Variants in ERCC6L2 observed in about 807,000 individuals in gnomAD.
ERCC6L2 encodes the protein ERCC excision repair 6 like 2.
Under a neutral mutation model 132.0 loss-of-function variants are expected in ERCC6L2, and 77 were observed. The observed-to-expected ratio is 0.58, with a 90% CI of 0.49 to 0.71. The LOEUF (loss-of-function observed/expected upper bound fraction) is 0.71, where lower values mean the gene tolerates loss of function less well. Ranked by LOEUF, ERCC6L2 falls within the 30% of genes least tolerant of loss-of-function variation. ERCC6L2 has a pLI of 0.00. For synonymous variants in ERCC6L2, 583 were observed against 632.4 expected, an observed-to-expected ratio of 0.92 and a Z score of 1.17; for missense variants, 1,542 against 1,837.6, an observed-to-expected ratio of 0.84 and a Z score of 2.94.
intron 11 of ERCC6L2, among the ~76,000 whole-genome samples, chr9:95,935,998 G>A (rs915142103): frequency 2.0e-5 from 3 of 152,160 alleles, no homozygotes; most frequent in African/African-American, 7.2e-5. Context: ...GGGCATGGGT[G>A]TAAGGTCTGA....
chr9:95,918,184 A>G (rs1012265596), intron 6 of ERCC6L2: 2 of 475,702 alleles, frequency 4.2e-6, no homozygotes, highest in African/African-American at 2.0e-5. Flanking sequence ...AGCAGAGGAA[A>G]TGGAGGCAGT....
rs150060124 is a variant in ERCC6L2 at position 96,012,722 on chromosome 9, C to T, written c.4172C>T (p.Thr1391Ile). The stretch of plus-strand genomic sequence containing the variant: ...CGTTCTCTGAACAGTGAGTCTGAAA[C>T]ACGTGAGAGAAGGTTAGAAAATACC... ...TSRSLNSESE[T>I]RERRLENTMK... Residue 1391 changes from threonine to isoleucine, a missense_variant, in exon 19 of 19, where the codon ACA becomes ATA. By Grantham distance (89) the Thr-to-Ile change is moderately conservative (BLOSUM62 -1). Transcript: ENST00000653738. 158 of 1,367,510 alleles carry T rather than the reference C, an allele frequency of 1.2e-4. No homozygotes were observed. The African/African-American group carries it at 2.0e-3, about 17-fold the overall frequency. The allele number at this position is 1,367,510 out of a possible 1,614,324, so 84.7% of individuals were successfully genotyped here. A position where few individuals can be genotyped will look rare whatever the true frequency, so the allele number is the denominator to read the frequency against.
At chr9:96,026,306 G>A (rs1834362259) in intron 19 of ERCC6L2, among the ~76,000 whole-genome samples, 1 of 152,204 alleles carries the variant, frequency 6.6e-6, no homozygotes, top group South Asian at 2.1e-4. Context: ...CCGCCCTCTG[G>A]GGCCCCCTGT....
At chr9:95,902,106 G>A (rs1828809596) in intron 3 of ERCC6L2, among the ~76,000 whole-genome samples, 1 of 152,032 alleles carries the variant, frequency 6.6e-6, no homozygotes, top group Admixed American at 6.6e-5. Context: ...TGTGTGATAC[G>A]ATACATCTCA....
intron 9 of ERCC6L2, among the ~76,000 whole-genome samples, chr9:95,924,500 G>A (rs1012931201): frequency 6.6e-6 from 1 of 151,686 alleles, no homozygotes; most frequent in Non-Finnish European, 1.5e-5. Context: ...TAAAAAGTCC[G>A]GTTTAGAACT....
chr9:95,999,550 G>T (rs1452938769), intron 17 of ERCC6L2, among the ~76,000 whole-genome samples: 1 of 152,096 alleles, frequency 6.6e-6, no homozygotes, highest in Non-Finnish European at 1.5e-5. Flanking sequence ...GTGCTGCCAG[G>T]GTCATTGCAA....
exon 20 of ERCC6L2, chr9:96,039,050 C>G: frequency 2.4e-6 from 1 of 409,638 alleles, no homozygotes; most frequent in Non-Finnish European, 4.9e-6. Flanking sequence ...CGCAGATGAT[C>G]ATGGTCCTGG....
intron 2 of ERCC6L2, among the ~76,000 whole-genome samples, chr9:95,886,482 A>C (rs1827874052): frequency 6.6e-6 from 1 of 152,106 alleles, no homozygotes; most frequent in South Asian, 2.1e-4. Context: ...AGAAGTAATA[A>C]TTTTCATTTC....
intron 17 of ERCC6L2, among the ~76,000 whole-genome samples, chr9:95,998,062 A>C (rs1227922041): frequency 6.6e-6 from 1 of 152,226 alleles, no homozygotes; most frequent in Non-Finnish European, 1.5e-5. Flanking sequence ...GCTGCTTAAA[A>C]CAGCGGTTTT....
intron 6 of ERCC6L2, among the ~76,000 whole-genome samples, chr9:95,918,941 C>T (rs1355327149): frequency 2.6e-5 from 4 of 152,006 alleles, no homozygotes; most frequent in Non-Finnish European, 5.9e-5. Flanking sequence ...GATCTTGGCT[C>T]ACTGCAAGCT....
downstream of ERCC6L2, chr9:96,021,381 T>G: frequency 1.0e-5 from 3 of 291,960 alleles, no homozygotes; most frequent in South Asian, 3.0e-5. This position sits in a 1 kb window ranked among gnomAD's most constrained non-coding sequence, Gnocchi z 4.7. Flanking sequence ...GGAAGCCCAG[T>G]CCCTCCCGGG....
chr9:95,907,834 C>CACACACACACACACACACAA (rs1554741156), intron 4 of ERCC6L2, among the ~76,000 whole-genome samples: 5 of 114,414 alleles, frequency 4.4e-5, no homozygotes, highest in South Asian at 3.7e-4. Context: ...ACTACACACA[C>CACACACACACACACACACAA]ACACACACAC....
At position 95,966,680 on chromosome 9, in the gene ERCC6L2, C is replaced by G. The variant is rs775934318; in HGVS notation, c.2066C>G (p.Ser689Cys). 6.7e-7 allele frequency: 1 copy of G among 1,503,236 alleles called. No individual in the cohort carries two copies. Among genetic ancestry groups the G allele is most frequent in the African/African-American group, 1.4e-5 (1 of 73,396 alleles). The allele number at this position is 1,503,236 out of a possible 1,614,324, so 93.1% of individuals were successfully genotyped here. ...FGIHNLFKFR[S>C]QGSCLTKDIL... is the part of the protein sequence containing the mutation. Reference sequence around the variant, plus strand: ...ATCCATAACCTCTTCAAATTTAGGTCCCAAGGGTCTTGTCTTACGAAGGAC... The same window carrying G: ...ATCCATAACCTCTTCAAATTTAGGTGCCAAGGGTCTTGTCTTACGAAGGAC... Residue 689 changes from serine (S) to cysteine (C), a missense_variant, in exon 14 of 19, where the codon TCC (serine) becomes TGC (cysteine). This residue lies in a region of ERCC6L2 where 945 missense variants were observed against 1,105.2 expected (regional missense o/e 0.86). Transcript: ENST00000653738.
intron 3 of ERCC6L2, chr9:95,904,964 G>A (rs985757352): frequency 2.0e-5 from 3 of 152,044 alleles, no homozygotes; most frequent in Non-Finnish European, 4.4e-5. Context: ...TTATAAAATT[G>A]TATTTTAGCT....
chr9:95,976,367 C>T (rs561046601), intron 16 of ERCC6L2, among the ~76,000 whole-genome samples: 2 of 152,114 alleles, frequency 1.3e-5, no homozygotes, highest in Non-Finnish European at 2.9e-5. Flanking sequence ...AGTGGTTGGC[C>T]TGCTCCAGCC....
rs752490077 is a variant in ERCC6L2 at position 95,923,177 on chromosome 9, AT to A, written c.1414-76del. On this transcript the variant is annotated intron_variant, in intron 8 of 18. Coordinates refer to ENST00000653738, the MANE Select transcript of ERCC6L2 (RefSeq NM_020207.7). The stretch of plus-strand genomic sequence containing the variant: ...AAGTAATACATTCTTTCTAAAAAGA[AT>A]TTTTTTCATAAATTATTTCAATTTA... 6.8e-5 allele frequency: 100 copies of A among 1,480,852 alleles called. No homozygotes were observed. In the East Asian group the frequency reaches 8.2e-4, roughly 12 times the overall value. 91.7% of individuals were successfully genotyped at this position (1,480,852 alleles called of 1,614,324 possible).
downstream of ERCC6L2, chr9:96,020,991 G>C: frequency 2.2e-6 from 1 of 456,596 alleles, no homozygotes; most frequent in South Asian, 1.5e-5. Flanking sequence ...GGCCCCGTCG[G>C]ACTGTTGGAC....
chr9:95,993,430 G>A (rs1050143639), intron 17 of ERCC6L2, among the ~76,000 whole-genome samples: 10 of 152,158 alleles, frequency 6.6e-5, no homozygotes, highest in Non-Finnish European at 1.3e-4. Context: ...AATTGCTATG[G>A]TCTCGCTTGG....
Position 95,897,934 on chromosome 9 carries a change from G to C in ERCC6L2, c.557G>C (p.Ser186Thr). ...ENNMPEFLLR[S>T]MKKEPLSSTA... ...AACATGCCAGAGTTTTTACTAAGAA[G>C]TATGAAAAAGGAACCCCTTTCTTCT... The change falls in exon 3 of 19, where the codon AGT becomes ACT. Residue 186 changes from serine (S) to threonine (T), a missense_variant. Physicochemically the swap from Ser to Thr is moderately conservative, Grantham distance 58. Coordinates refer to ENST00000653738, the MANE Select transcript of ERCC6L2 (RefSeq NM_020207.7). The C allele has an allele frequency of 1.2e-6, 2 of 1,611,582 alleles. No homozygotes were observed. The highest frequency in any genetic ancestry group is 1.7e-5 in the Admixed American group (1 of 59,550).
Sources: gnomAD v4.1 joint callset for allele counts (sites outside exome capture counted in the v4.1 genomes callset) on GRCh38, gnomAD v4.1.1 for gene constraint, gnomAD v4.1.1 regional missense constraint, Gnocchi (gnomAD v3.1) non-coding constraint, MANE v1.5 for transcripts, NCBI Gene and HGNC (gene_info 2026-07-23, HGNC 2026-07-21) for gene names.